The following SV2C variants were observed in gnomAD, a reference collection of about 807,000 sequenced individuals.
SV2C encodes solute carrier family 22 member B3.
Under a neutral mutation model 79.7 loss-of-function variants are expected in SV2C, and 49 were observed. The ratio of observed to expected loss-of-function variants is 0.61; its 90% CI spans 0.49 to 0.78. The LOEUF (loss-of-function observed/expected upper bound fraction) is 0.78, where lower values mean the gene tolerates loss of function less well. Ranked by LOEUF, SV2C falls within the 30% of genes least tolerant of loss-of-function variation. SV2C has a pLI of 0.00. For missense variants in SV2C, 833 were observed against 912.9 expected, an observed-to-expected ratio of 0.91 and a Z score of 1.13; for synonymous variants, 334 against 333.2, an observed-to-expected ratio of 1.00 and a Z score of -0.03.
chr5:76,177,220 A>G (rs1220827928), intron 2 of SV2C, among the ~76,000 whole-genome samples: 1 of 51,480 alleles, frequency 1.9e-5, no homozygotes, highest in Non-Finnish European at 3.2e-5. Context: ...ATATATACAA[A>G]TATATTAATC....
At chr5:75,965,110 T>TCAC in the SV2C span, among the ~76,000 whole-genome samples, 21 of 152,138 alleles carry the variant, frequency 1.4e-4, no homozygotes, top group African/African-American at 4.8e-4. Flanking sequence ...GCAGACACTT[T>TCAC]GACTTGCTCC....
At chr5:76,134,649 T>C (rs566160699) in intron 2 of SV2C, among the ~76,000 whole-genome samples, 4 of 152,342 alleles carry the variant, frequency 2.6e-5, no homozygotes, top group Admixed American at 2.6e-4. Flanking sequence ...TCTTTGTGTT[T>C]GCTAAAAGAT....
At chr5:76,137,700 A>G (rs945670580) in intron 2 of SV2C, among the ~76,000 whole-genome samples, 1 of 152,210 alleles carries the variant, frequency 6.6e-6, no homozygotes, top group African/African-American at 2.4e-5. Flanking sequence ...TAAAAAAATC[A>G]TATTACAATC....
chr5:75,910,650 T>C, the SV2C span: 7 of 997,448 alleles, frequency 7.0e-6, no homozygotes, highest in East Asian at 1.7e-4. Flanking sequence ...CTGGATGCAG[T>C]GCAGAATGCC....
At chr5:75,923,210 G>A in the SV2C span, among the ~76,000 whole-genome samples, 2 of 152,170 alleles carry the variant, frequency 1.3e-5, no homozygotes, top group African/African-American at 4.8e-5. Flanking sequence ...AAACTGGCAA[G>A]CCACATGTAG....
At chr5:75,914,698 A>C in the SV2C span, among the ~76,000 whole-genome samples, 7 of 152,246 alleles carry the variant, frequency 4.6e-5, no homozygotes, top group African/African-American at 1.7e-4. Flanking sequence ...TTGGGTACAT[A>C]TTATAATATA....
chr5:75,888,190 C>T, the SV2C span, among the ~76,000 whole-genome samples: 1 of 151,974 alleles, frequency 6.6e-6, no homozygotes, highest in Non-Finnish European at 1.5e-5. Flanking sequence ...GCTTCTGTAC[C>T]TCTCAAAAGA....
the SV2C span, among the ~76,000 whole-genome samples, chr5:75,879,633 C>T: frequency 2.0e-5 from 3 of 152,326 alleles, no homozygotes; most frequent in Middle Eastern, 3.4e-3. Flanking sequence ...CATGTCTGCT[C>T]TCATGGGTTG....
At chr5:76,025,144 C>G in the SV2C span, among the ~76,000 whole-genome samples, 4 of 149,980 alleles carry the variant, frequency 2.7e-5, no homozygotes, top group Admixed American at 6.7e-5. Context: ...AATATCATAA[C>G]ACAAAAACAG....
At chr5:75,921,544 C>T in the SV2C span, 941 of 838,134 alleles carry the variant, frequency 1.1e-3, 1 homozygote, top group Admixed American at 2.0e-3. Context: ...TGATTGAAGG[C>T]ATGGTCTTGG....
the SV2C span, among the ~76,000 whole-genome samples, chr5:76,051,646 T>C: frequency 1.3e-5 from 2 of 152,232 alleles, no homozygotes; most frequent in Non-Finnish European, 2.9e-5. Flanking sequence ...ACAGCATGGC[T>C]GCAATAATGC....
At chr5:76,205,834 C>T (rs986604229) in intron 3 of SV2C, among the ~76,000 whole-genome samples, 5 of 152,128 alleles carry the variant, frequency 3.3e-5, no homozygotes, top group Non-Finnish European at 5.9e-5. Flanking sequence ...AGGAGCTGTT[C>T]TGTGAGTTGT....
chr5:75,981,157 A>G, the SV2C span, among the ~76,000 whole-genome samples: 1 of 152,190 alleles, frequency 6.6e-6, no homozygotes, highest in African/African-American at 2.4e-5. Flanking sequence ...ACAGGTAACT[A>G]GTGAGGTGAA....
At chr5:76,048,937 G>T in the SV2C span, among the ~76,000 whole-genome samples, 1 of 117,474 alleles carries the variant, frequency 8.5e-6, no homozygotes, top group African/African-American at 3.7e-5. Flanking sequence ...AAGAGAAAAG[G>T]AAAGAAAGAA....
At chr5:76,008,281 G>A in the SV2C span, among the ~76,000 whole-genome samples, 5,446 of 152,242 alleles carry the variant, frequency 0.036, 216 homozygotes, top group African/African-American at 0.089. Flanking sequence ...CAGCAGGGGA[G>A]CCTGTGAAAT....
chr5:76,154,804 A>T (rs1054801488), intron 2 of SV2C, among the ~76,000 whole-genome samples: 1 of 152,238 alleles, frequency 6.6e-6, no homozygotes, highest in Non-Finnish European at 1.5e-5. Context: ...AAGGTTAAGG[A>T]TGCGTCCAGA....
At chr5:76,231,510 A>G (rs1028535855) in intron 4 of SV2C, among the ~76,000 whole-genome samples, 15 of 151,440 alleles carry the variant, frequency 9.9e-5, no homozygotes, top group Non-Finnish European at 4.4e-5. Context: ...ATACGTATAC[A>G]TGTGCCATGC....
the SV2C span, among the ~76,000 whole-genome samples, chr5:75,859,290 GAT>G: frequency 3.4e-4 from 52 of 152,100 alleles, no homozygotes; most frequent in Non-Finnish European, 1.8e-4. Flanking sequence ...TGAGGATCTT[GAT>G]ATCTCTCAAC....
intron 3 of SV2C, among the ~76,000 whole-genome samples, chr5:76,195,964 C>G (rs1172358093): frequency 6.6e-6 from 1 of 151,644 alleles, no homozygotes; most frequent in Non-Finnish European, 1.5e-5. Context: ...AACTTAGAGA[C>G]TTTTTTTTCA....
Sources: gnomAD v4.1 joint callset for allele counts (sites outside exome capture counted in the v4.1 genomes callset) on GRCh38, gnomAD v4.1.1 for gene constraint, MANE v1.5 for transcripts, NCBI Gene and HGNC (gene_info 2026-07-23, HGNC 2026-07-21) for gene names.